Variants in MUSTN1 observed in about 807,000 individuals in gnomAD.
The protein encoded by MUSTN1 is musculoskeletal, embryonic nuclear protein 1.
In MUSTN1, 14 loss-of-function variants were observed where a neutral mutation model predicts 11.8. That is an observed-to-expected ratio of 1.18 (90% confidence interval 0.78 to 1.85). The LOEUF (loss-of-function observed/expected upper bound fraction) is 1.85, where lower values mean the gene tolerates loss of function less well. Ranked by LOEUF, MUSTN1 falls within the 40% of genes most tolerant of loss-of-function variation. The pLI is 0.00. For missense variants in MUSTN1, 111 were observed against 108.8 expected, an observed-to-expected ratio of 1.02 and a Z score of -0.09; for synonymous variants, 42 against 43.3, an observed-to-expected ratio of 0.97 and a Z score of 0.12.
At chr3:52,833,539 A>C in intron 2 of MUSTN1, 78 bp downstream of exon 2, 1 of 1,583,400 alleles carries the variant, frequency 6.3e-7, no homozygotes, top group Non-Finnish European at 8.6e-7. Flanking sequence ...TCAGAAAAGG[A>C]TCCTTGACCA....
At chr3:52,834,801 C>T (rs762776229) in intron 1 of MUSTN1, 139 bp downstream of exon 1, 30 of 1,011,952 alleles carry the variant, frequency 3.0e-5, no homozygotes, top group Non-Finnish European at 4.2e-5. Context: ...CCTCCCTGAG[C>T]CCCCATCTCC....
At chr3:52,834,262 A>G (rs534182438) in intron 1 of MUSTN1, among the ~76,000 whole-genome samples, 14 of 152,284 alleles carry the variant, frequency 9.2e-5, no homozygotes, top group African/African-American at 3.4e-4. Flanking sequence ...ACCCACCCAC[A>G]GAGCAGGCAG....
chr3:52,833,323 C>G lies in MUSTN1; in HGVS notation c.*1G>C, dbSNP rs1238031778. 6.2e-7 allele frequency: 1 copy of G among 1,613,866 alleles called. No homozygotes were observed. Among genetic ancestry groups the G allele is most frequent in the Non-Finnish European group, 8.5e-7 (1 of 1,179,848 alleles). ...GCAGCAAGGGGAGTGGCGCACACTTCTCAGCCGAAGACACTCTTGGTGGGT... is the reference window on the plus strand; with the variant it reads ...GCAGCAAGGGGAGTGGCGCACACTTGTCAGCCGAAGACACTCTTGGTGGGT... On this transcript the variant is annotated 3_prime_UTR_variant, in exon 3 of 3. Transcript: ENST00000446157.
At chr3:52,834,418 G>A (rs1001891571) in intron 1 of MUSTN1, among the ~76,000 whole-genome samples, 2 of 152,028 alleles carry the variant, frequency 1.3e-5, no homozygotes, top group South Asian at 2.1e-4. Flanking sequence ...GTATTTCCTC[G>A]CTCAGCCTGG....
Position 52,833,268 on chromosome 3 carries a change from T to C in MUSTN1, c.*56A>G, listed in dbSNP as rs1176529915. 2 of 1,608,534 alleles carry C rather than the reference T, an allele frequency of 1.2e-6. No homozygotes were observed. The highest frequency in any genetic ancestry group is 1.7e-6 in the Non-Finnish European group (2 of 1,177,478). ...GCGTTCTGGCATAAAAAAGAGTTCC[T>C]GGGAAAGGCTCCTGTTTCCGAGCAT... On this transcript the variant is annotated 3_prime_UTR_variant, in exon 3 of 3. Transcript: ENST00000446157.
chr3:52,833,160 C>G lies in MUSTN1; in HGVS notation c.*164G>C. ...TGGGCATCCTCTTTATTGGTGCTTC[C>G]AAGGTGCTGGTGCAGAGCCCTTGGC... On this transcript the variant is annotated 3_prime_UTR_variant, in exon 3 of 3. Coordinates refer to ENST00000446157, the MANE Select transcript of MUSTN1 (RefSeq NM_205853.4). 1 of 1,050,860 alleles carries G rather than the reference C, an allele frequency of 9.5e-7. No individual in the cohort carries two copies. Among genetic ancestry groups the G allele is most frequent in the Non-Finnish European group, 1.4e-6 (1 of 700,286 alleles). The allele number at this position is 1,050,860 out of a possible 1,614,324, so 65.1% of individuals were successfully genotyped here. A position where few individuals can be genotyped will look rare whatever the true frequency, so the allele number is the denominator to read the frequency against.
At position 52,834,502 on chromosome 3, in the gene MUSTN1, GCACA is replaced by G. The variant is rs201669290; in HGVS notation, c.9+434_9+437del. ...CAGCTGTGTCCCTCCAGCCTCATGT[GCACA>G]CACATACAGCTTCATGCATATACCA... On this transcript the variant is annotated intron_variant, in intron 1 of 2. Coordinates refer to ENST00000446157, the MANE Select transcript of MUSTN1 (RefSeq NM_205853.4). Among the ~76,000 whole-genome samples the G allele has an allele frequency of 2.4e-4, 37 of 152,174 alleles. 1 individual carries two copies. The East Asian group carries it at 5.2e-3, about 21-fold the overall frequency.
intron 2 of MUSTN1, 24 bp from the exon 3 acceptor site, chr3:52,833,454 G>A: frequency 6.2e-7 from 1 of 1,605,048 alleles, no homozygotes; most frequent in Non-Finnish European, 8.5e-7. Context: ...TAAAGTCAGG[G>A]GCCAGCCTAG....
In MUSTN1 at chr3:52,833,389, G is replaced by A. The variant is rs745654873; in HGVS notation, c.184C>T (p.Arg62Cys). The A allele has an allele frequency of 4.3e-5, 69 of 1,613,890 alleles. No individual in the cohort carries two copies. The Admixed American group carries it at 8.5e-4, about 20-fold the overall frequency. Residue 62 changes from arginine (R) to cysteine (C), a missense_variant, in exon 3 of 3, where the codon CGC becomes TGC. By Grantham distance (180) the Arg-to-Cys change is radical. Transcript: ENST00000446157. ...TCAAAGACAGTCTCGGTACCTGTGCGGGTGCGGCTGAACACCGACGGGGCG... is the reference window on the plus strand; with the variant it reads ...TCAAAGACAGTCTCGGTACCTGTGCAGGTGCGGCTGAACACCGACGGGGCG... The part of the protein sequence containing the change: ...SAAPSVFSRT[R>C]TGTETVFEKP...
At position 52,833,368 on chromosome 3, in the gene MUSTN1, A is replaced by C; in HGVS notation, c.205T>G (p.Phe69Val). ...GTGGGTCCGGCTTTGGGCTTCTCAAAGACAGTCTCGGTACCTGTGCGGGTG... is the reference window on the plus strand; with the variant it reads ...GTGGGTCCGGCTTTGGGCTTCTCAACGACAGTCTCGGTACCTGTGCGGGTG... ...SRTRTGTETV[F>V]EKPKAGPTKS... The change falls in exon 3 of 3, where the codon TTT becomes GTT. Residue 69 changes from phenylalanine (F) to valine (V), a missense_variant. Transcript: ENST00000446157. The C allele has an allele frequency of 6.2e-7, 1 of 1,613,950 alleles. No individual in the cohort carries two copies. Among genetic ancestry groups the C allele is most frequent in the Non-Finnish European group, 8.5e-7 (1 of 1,179,872 alleles).
chr3:52,834,838 G>T, intron 1 of MUSTN1, 102 bp downstream of exon 1: 1 of 1,409,750 alleles, frequency 7.1e-7, no homozygotes, highest in Non-Finnish European at 9.8e-7. Flanking sequence ...TCCAGTTCAT[G>T]CTTGGGGCTC....
Position 52,834,875 on chromosome 3 carries a change from A to C in MUSTN1, c.9+65T>G, listed in dbSNP as rs980830372. The C allele has an allele frequency of 2.5e-6, 4 of 1,593,396 alleles. No individual in the cohort carries two copies. The Admixed American group carries it at 6.9e-5, about 27-fold the overall frequency. ...GATCAAGACACAGCTGCCAGAGCCGAAAGTGTCCAGGACTCCACCTCCACT... is the reference window on the plus strand; with the variant it reads ...GATCAAGACACAGCTGCCAGAGCCGCAAGTGTCCAGGACTCCACCTCCACT... On this transcript the variant is annotated intron_variant, in intron 1 of 2. Transcript: ENST00000446157.
In MUSTN1 at chr3:52,833,218, C is replaced by A. The variant is rs1200389208; in HGVS notation, c.*106G>T. The stretch of plus-strand genomic sequence containing the variant: ...CCTGGACTGTGGGGGAGGGTGGCAG[C>A]CCCAGAGACAGCAGGGGAGAGGAAG... On this transcript the variant is annotated 3_prime_UTR_variant, in exon 3 of 3. Coordinates refer to ENST00000446157, the MANE Select transcript of MUSTN1 (RefSeq NM_205853.4). 1 of 1,506,958 alleles carries A rather than the reference C, an allele frequency of 6.6e-7. No homozygotes were observed. Among genetic ancestry groups the A allele is most frequent in the East Asian group, 2.4e-5 (1 of 40,956 alleles). The allele number at this position is 1,506,958 out of a possible 1,614,324, so 93.3% of individuals were successfully genotyped here.
In MUSTN1 at chr3:52,833,441, A is replaced by C. The variant is rs373089575; in HGVS notation, c.143-11T>G. On this transcript the variant is annotated splice_polypyrimidine_tract_variant and intron_variant, in intron 2 of 2. Transcript: ENST00000446157. ...CCGAGCCAGCTTGCTCTGTGGGAGG[A>C]GGTAAAGTCAGGGGCCAGCCTAGCT... 2.4e-4 allele frequency: 390 copies of C among 1,608,298 alleles called. No homozygotes were observed. The highest frequency in any genetic ancestry group is 3.3e-4 in the Non-Finnish European group (387 of 1,176,012).
intron 1 of MUSTN1, 77 bp downstream of exon 1, chr3:52,834,863 C>G: frequency 6.5e-7 from 1 of 1,545,760 alleles, no homozygotes; most frequent in South Asian, 1.2e-5. Context: ...CAAGACACAG[C>G]TGCCAGAGCC....
At position 52,833,134 on chromosome 3, in the gene MUSTN1, G is replaced by A. The variant is rs1444026525; in HGVS notation, c.*190C>T. 4.8e-6 allele frequency: 4 copies of A among 835,296 alleles called. No homozygotes were observed. Among genetic ancestry groups the A allele is most frequent in the Admixed American group, 2.0e-5 (1 of 50,134 alleles). 51.7% of individuals were successfully genotyped at this position (835,296 alleles called of 1,614,324 possible). ...AACACCTTCTGATTGCTGGGGCCACGTGGGCATCCTCTTTATTGGTGCTTC... is the reference window on the plus strand; with the variant it reads ...AACACCTTCTGATTGCTGGGGCCACATGGGCATCCTCTTTATTGGTGCTTC... On this transcript the variant is annotated 3_prime_UTR_variant, in exon 3 of 3. Transcript: ENST00000446157.
rs1279155803 is a variant in MUSTN1, at chr3:52,833,764, A to G, written c.10-15T>C. On this transcript the variant is annotated splice_polypyrimidine_tract_variant and intron_variant, in intron 1 of 2. Coordinates refer to ENST00000446157, the MANE Select transcript of MUSTN1 (RefSeq NM_205853.4). ...TGAGCACCAGCCTTGGAGATCCAAG[A>G]GCCTCATCTTACTACCTGAAGCCTC... The G allele has an allele frequency of 3.8e-6, 6 of 1,570,934 alleles. No individual in the cohort carries two copies. The highest frequency in any genetic ancestry group is 5.2e-6 in the Non-Finnish European group (6 of 1,157,602).
chr3:52,833,538 G>C, intron 2 of MUSTN1, 79 bp downstream of exon 2: 1 of 1,583,560 alleles, frequency 6.3e-7, no homozygotes, highest in Non-Finnish European at 8.6e-7. Context: ...CTCAGAAAAG[G>C]ATCCTTGACC....
intron 1 of MUSTN1, chr3:52,834,670 A>ACACACAGG (rs1700666584): frequency 4.9e-6 from 3 of 613,536 alleles, no homozygotes; most frequent in African/African-American, 1.9e-5. Context: ...ACACACACAC[A>ACACACAGG]CACACAGGCA....
Sources: allele counts gnomAD v4.1 joint callset (sites outside exome capture counted in the v4.1 genomes callset), GRCh38; gene constraint gnomAD v4.1.1; transcripts MANE v1.5; gene names NCBI Gene and HGNC (gene_info 2026-07-23, HGNC 2026-07-21).